Variants in LEPR observed in about 807,000 individuals in gnomAD.
The protein encoded by LEPR is OB receptor.
LEPR carries 56 observed loss-of-function variants against 114.7 expected under a neutral mutation model. The observed-to-expected ratio is 0.49, with a 90% CI of 0.39 to 0.61. The LOEUF (loss-of-function observed/expected upper bound fraction) is 0.61. Ranked by LOEUF, LEPR falls within the 20% of genes least tolerant of loss-of-function variation. The pLI is 0.00. For missense variants in LEPR, 1,202 were observed against 1,352.9 expected (o/e 0.89, Z 1.75); for synonymous variants, 443 against 461.4 (o/e 0.96, Z 0.51).
intron 2 of LEPR, among the ~76,000 whole-genome samples, chr1:65,484,156 C>A (rs904676629): frequency 6.6e-6 from 1 of 152,024 alleles, no homozygotes; most frequent in Middle Eastern, 3.2e-3. Context: ...TGTGCCTGGC[C>A]TTTACACTTT....
chr1:65,445,209 A>G (rs923752973), intron 2 of LEPR, among the ~76,000 whole-genome samples: 3 of 152,230 alleles, frequency 2.0e-5, no homozygotes, highest in African/African-American at 7.2e-5. Context: ...TCTTACGGGC[A>G]GCACAAGTCA....
intron 2 of LEPR, among the ~76,000 whole-genome samples, chr1:65,524,882 G>A (rs1226204138): frequency 1.3e-5 from 2 of 152,168 alleles, no homozygotes; most frequent in Non-Finnish European, 2.9e-5. Context: ...CAATAAAGAC[G>A]CATTTAATAC....
chr1:65,533,306 T>C (rs1027416861), intron 2 of LEPR, among the ~76,000 whole-genome samples: 1 of 152,116 alleles, frequency 6.6e-6, no homozygotes, highest in Admixed American at 6.6e-5. Context: ...CTCAATAGGA[T>C]CTCTATTAAA....
chr1:65,636,106 A>G, intron 19 of LEPR, 85 bp from the exon 20 acceptor site: 1 of 1,450,966 alleles, frequency 6.9e-7, no homozygotes. Context: ...TTATTAACTT[A>G]ACACACTTCC....
intron 19 of LEPR, chr1:65,634,386 C>G (rs952469343): frequency 1.0e-6 from 1 of 969,880 alleles, no homozygotes; most frequent in African/African-American, 1.8e-5. Flanking sequence ...AAAGGACATT[C>G]TTTAATTACT....
chr1:65,479,868 T>G (rs573262990), intron 2 of LEPR, among the ~76,000 whole-genome samples: 1 of 152,246 alleles, frequency 6.6e-6, no homozygotes, highest in South Asian at 2.1e-4. Context: ...AAACTTGATC[T>G]TAGTAGGTAT....
rs1288514906 is a variant in LEPR, at chr1:65,621,382, G to A, written c.2521G>A (p.Gly841Ser). Residue 841 changes from glycine (G) to serine (S), a missense_variant, in exon 18 of 20, where the codon GGT becomes AGT. Physicochemically the swap from Gly to Ser is moderately conservative, Grantham distance 56. Transcript: ENST00000349533. ...TATTGAAAAACACCAGAGTGATGCA[G>A]GTTTATATGTAATTGTGCCAGTAAT... ...DDIEKHQSDAGLYVIVPVIIS... is the reference protein window; with the variant it reads ...DDIEKHQSDASLYVIVPVIIS... 1.2e-6 allele frequency: 2 copies of A among 1,613,304 alleles called. No homozygotes were observed. Among genetic ancestry groups the A allele is most frequent in the Admixed American group, 3.3e-5 (2 of 59,958 alleles).
intron 5 of LEPR, among the ~76,000 whole-genome samples, chr1:65,574,233 A>G (rs546958951): frequency 6.6e-6 from 1 of 152,300 alleles, no homozygotes; most frequent in East Asian, 1.9e-4. Context: ...ATATGTGGGC[A>G]GTATAGTGTT....
At chr1:65,507,111 C>T (rs1266073290) in intron 2 of LEPR, among the ~76,000 whole-genome samples, 13 of 152,162 alleles carry the variant, frequency 8.5e-5, no homozygotes, top group South Asian at 2.1e-4. Flanking sequence ...AGTGCAGTGG[C>T]GCAATCTTGG....
intron 2 of LEPR, among the ~76,000 whole-genome samples, chr1:65,453,151 C>G (rs529150965): frequency 1.1e-4 from 16 of 151,880 alleles, no homozygotes; most frequent in Non-Finnish European, 2.2e-4. Context: ...TTTATTGCGT[C>G]TATTAGATTC....
chr1:65,454,521 T>A (rs1411480387), intron 2 of LEPR, among the ~76,000 whole-genome samples: 1 of 152,288 alleles, frequency 6.6e-6, no homozygotes, highest in East Asian at 1.9e-4. Flanking sequence ...GTAAAGTATT[T>A]TATTTCCCCT....
chr1:65,536,450 G>C (rs185172023), intron 2 of LEPR, among the ~76,000 whole-genome samples: 1 of 152,040 alleles, frequency 6.6e-6, no homozygotes, highest in East Asian at 1.9e-4. Context: ...CCAGTCTCAG[G>C]TTTTCCTTTG....
chr1:65,581,094 A>G (rs759410341), intron 5 of LEPR, among the ~76,000 whole-genome samples: 24 of 152,156 alleles, frequency 1.6e-4, no homozygotes, highest in Non-Finnish European at 3.1e-4. Context: ...CATGTGATTA[A>G]TCTTCAGTTT....
At chr1:65,525,667 C>T (rs1649896652) in intron 2 of LEPR, 9 of 985,606 alleles carry the variant, frequency 9.1e-6, no homozygotes, top group Non-Finnish European at 1.1e-5. Context: ...CTGCCCTCCT[C>T]CTCTCCTGAG....
chr1:65,593,516 T>C (rs1007081024), intron 6 of LEPR, among the ~76,000 whole-genome samples: 6 of 152,146 alleles, frequency 3.9e-5, no homozygotes, highest in African/African-American at 1.4e-4. Flanking sequence ...TTCATTTAAT[T>C]ATGTATAATT....
chr1:65,426,855 G>T (rs1347844410), intron 2 of LEPR, among the ~76,000 whole-genome samples: 1 of 152,100 alleles, frequency 6.6e-6, no homozygotes, highest in African/African-American at 2.4e-5. Flanking sequence ...AAAATTAGCT[G>T]GGCGTGGTGG....
At chr1:65,634,164 A>C (rs2101043226) in intron 19 of LEPR, 1 of 985,274 alleles carries the variant, frequency 1.0e-6, no homozygotes, top group African/African-American at 1.7e-5. Context: ...TCACATTCAA[A>C]CCAAACCAAC....
intron 2 of LEPR, among the ~76,000 whole-genome samples, chr1:65,448,989 G>A (rs185907382): frequency 1.2e-4 from 19 of 152,176 alleles, no homozygotes; most frequent in Admixed American, 1.2e-3. Flanking sequence ...CACCTCCCAG[G>A]TTCAAACGAC....
At chr1:65,463,570 G>A (rs1646973162) in intron 2 of LEPR, among the ~76,000 whole-genome samples, 1 of 152,144 alleles carries the variant, frequency 6.6e-6, no homozygotes, top group African/African-American at 2.4e-5. Flanking sequence ...AAAGTCAGTG[G>A]TAGCTTGATG....
Sources: allele counts gnomAD v4.1 joint callset (sites outside exome capture counted in the v4.1 genomes callset), GRCh38; gene constraint gnomAD v4.1.1; transcripts MANE v1.5; gene names NCBI Gene and HGNC (gene_info 2026-07-23, HGNC 2026-07-21).